LUZP2: variants seen among roughly 807,000 people sequenced by gnomAD.
LUZP2 encodes the protein leucine zipper protein 2.
Under a neutral mutation model 51.6 loss-of-function variants are expected in LUZP2, and 52 were observed. The ratio of observed to expected loss-of-function variants is 1.01; its 90% confidence interval spans 0.81 to 1.27. The LOEUF is 1.27. Among genes scored for constraint, LUZP2 ranks in the 50% most tolerant of loss-of-function variants. The pLI is 0.00. For synonymous variants in LUZP2, 154 were observed against 137.3 expected (o/e 1.12, Z -0.85); for missense variants, 436 against 395.4 (o/e 1.10, Z -0.87).
chr11:24,538,884 T>G (rs140072116), intron 1 of LUZP2, among the ~76,000 whole-genome samples: 10 of 151,748 alleles, frequency 6.6e-5, no homozygotes, highest in African/African-American at 2.4e-4. Context: ...AATCAGTAAC[T>G]CTAAAGGTTC....
intron 5 of LUZP2, among the ~76,000 whole-genome samples, chr11:24,806,625 G>T (rs1261179518): frequency 6.6e-6 from 1 of 152,144 alleles, no homozygotes; most frequent in African/African-American, 2.4e-5. Flanking sequence ...CTTGGAATTT[G>T]TATGTGAAAT....
chr11:24,542,926 A>G (rs986624314), intron 1 of LUZP2, among the ~76,000 whole-genome samples: 50 of 99,966 alleles, frequency 5.0e-4, no homozygotes, highest in African/African-American at 2.1e-3. Flanking sequence ...ACACACACAG[A>G]AAAAAAAAAA....
chr11:24,757,205 A>G (rs990685662), intron 4 of LUZP2, among the ~76,000 whole-genome samples: 2 of 152,306 alleles, frequency 1.3e-5, no homozygotes, highest in South Asian at 2.1e-4. Flanking sequence ...CAAACTGCCT[A>G]TATTTCTTTA....
chr11:24,813,470 C>T (rs1850080198), intron 5 of LUZP2, among the ~76,000 whole-genome samples: 1 of 152,122 alleles, frequency 6.6e-6, no homozygotes, highest in Non-Finnish European at 1.5e-5. Flanking sequence ...AGGCACATCA[C>T]ATGGCAAGAA....
chr11:24,713,774 T>C lies in LUZP2; in HGVS notation c.63-15395T>C, dbSNP rs112541868. Reference sequence around the variant, plus strand: ...CATGATCTCTGCCTACTGGAACCTCTGTCTCTTGGGTTCAAGGGATTCTCC... The same window carrying C: ...CATGATCTCTGCCTACTGGAACCTCCGTCTCTTGGGTTCAAGGGATTCTCC... On this transcript the variant is annotated intron_variant, in intron 1 of 11. Transcript: ENST00000336930. Among the ~76,000 whole-genome samples the C allele has an allele frequency of 3.5e-3, 512 of 147,690 alleles. 3 individuals are homozygous for C. The highest frequency in any genetic ancestry group is 0.012 in the African/African-American group (492 of 40,050).
intron 10 of LUZP2, among the ~76,000 whole-genome samples, chr11:25,075,656 T>C (rs867149752): frequency 6.6e-5 from 10 of 152,042 alleles, no homozygotes; most frequent in African/African-American, 2.4e-4. Flanking sequence ...GTCTGTCTAG[T>C]AGTAGAAAAG....
At chr11:25,015,142 C>A (rs80304670) in intron 9 of LUZP2, among the ~76,000 whole-genome samples, 2 of 151,860 alleles carry the variant, frequency 1.3e-5, no homozygotes, top group Non-Finnish European at 2.9e-5. Flanking sequence ...TGAGTAGTTG[C>A]GATTTATTTA....
chr11:24,513,670 T>C (rs1324463776), intron 1 of LUZP2, among the ~76,000 whole-genome samples: 3 of 152,192 alleles, frequency 2.0e-5, no homozygotes, highest in African/African-American at 7.2e-5. Flanking sequence ...TGCAGGGCCA[T>C]GCTTTGGGCA....
chr11:25,015,935 T>C (rs1319114829), intron 9 of LUZP2, among the ~76,000 whole-genome samples: 1 of 151,498 alleles, frequency 6.6e-6, no homozygotes, highest in Non-Finnish European at 1.5e-5. Flanking sequence ...TTTATTTTTT[T>C]TTTGAGATGG....
chr11:24,818,563 C>A (rs1487485026), intron 5 of LUZP2, among the ~76,000 whole-genome samples: 2 of 151,936 alleles, frequency 1.3e-5, no homozygotes, highest in Non-Finnish European at 2.9e-5. Flanking sequence ...AGGCTTTAAA[C>A]TTTCAATTTC....
chr11:24,673,365 C>A (rs897267182), intron 1 of LUZP2, among the ~76,000 whole-genome samples: 1 of 151,992 alleles, frequency 6.6e-6, no homozygotes. Flanking sequence ...TCATGAAGTC[C>A]AATGTGGCTT....
intron 5 of LUZP2, among the ~76,000 whole-genome samples, chr11:24,768,736 T>C (rs1248542163): frequency 6.7e-6 from 1 of 149,494 alleles, no homozygotes; most frequent in African/African-American, 2.5e-5. Flanking sequence ...ATGGCTGGTA[T>C]CAAAAAGAGA....
At chr11:25,020,157 T>C (rs1857289736) in intron 9 of LUZP2, among the ~76,000 whole-genome samples, 1 of 152,156 alleles carries the variant, frequency 6.6e-6, no homozygotes, top group African/African-American at 2.4e-5. Flanking sequence ...TAACCTCCAC[T>C]GTAACCTTCT....
chr11:24,762,065 G>C (rs1209176400), intron 4 of LUZP2, among the ~76,000 whole-genome samples: 1 of 139,506 alleles, frequency 7.2e-6, no homozygotes, highest in Non-Finnish European at 1.5e-5. Context: ...TCTGGTTAAT[G>C]TGTAGGGTTA....
chr11:24,673,681 T>C (rs1212733992), intron 1 of LUZP2, among the ~76,000 whole-genome samples: 2 of 152,212 alleles, frequency 1.3e-5, no homozygotes, highest in African/African-American at 2.4e-5. Flanking sequence ...CAGTGCATTG[T>C]TGGATGTTTA....
rs187087738 is a variant in LUZP2 at position 24,525,660 on chromosome 11, C to T, written c.62+28355C>T. On this transcript the variant is annotated intron_variant, in intron 1 of 11. Coordinates refer to ENST00000336930, the MANE Select transcript of LUZP2 (RefSeq NM_001009909.4). Reference sequence around the variant, plus strand: ...ATATACTGCTTTTTTATGATTTTCACACAATTAGAATAAGATTTTCATCTG... The same window carrying T: ...ATATACTGCTTTTTTATGATTTTCATACAATTAGAATAAGATTTTCATCTG... Among the ~76,000 whole-genome samples the T allele has an allele frequency of 4.3e-4, 65 of 151,372 alleles. 1 individual carries two copies. Among genetic ancestry groups the T allele is most frequent in the African/African-American group, 1.5e-3 (63 of 41,422 alleles).
At chr11:24,989,418 GTCTTTAAAATTTAGGATATCT>G in intron 9 of LUZP2, among the ~76,000 whole-genome samples, 1 of 152,102 alleles carries the variant, frequency 6.6e-6, no homozygotes, top group East Asian at 1.9e-4. Flanking sequence ...GAAATATAAT[GTCTTTAAAATTTAGGATATCT>G]TCATTATTTA....
At chr11:24,503,829 T>G (rs1850072715) in intron 1 of LUZP2, among the ~76,000 whole-genome samples, 1 of 152,184 alleles carries the variant, frequency 6.6e-6, no homozygotes. Context: ...AGTTAGTACC[T>G]ATGAAGAATC....
chr11:24,638,902 AAG>A (rs1422153802), intron 1 of LUZP2, among the ~76,000 whole-genome samples: 1 of 151,664 alleles, frequency 6.6e-6, no homozygotes, highest in Non-Finnish European at 1.5e-5. Context: ...ACATTTATGA[AAG>A]ATAATTTTCC....
Sources: gnomAD v4.1 joint callset for allele counts (sites outside exome capture counted in the v4.1 genomes callset) on GRCh38, gnomAD v4.1.1 for gene constraint, MANE v1.5 for transcripts, NCBI Gene and HGNC (gene_info 2026-07-23, HGNC 2026-07-21) for gene names.